KLF16: variants seen among roughly 807,000 people sequenced by gnomAD.
KLF16 encodes the protein Krueppel-like factor 16.
Under a neutral mutation model 6.1 loss-of-function variants are expected in KLF16, and 6 were observed. The ratio of observed to expected loss-of-function variants is 0.98; its 90% CI spans 0.54 to 1.93. The LOEUF is 1.93. KLF16 is among the 30% of genes most tolerant of loss of function. The pLI, the probability that KLF16 is intolerant of heterozygous loss-of-function variation, is 0.01. For missense variants in KLF16, 355 were observed against 363.8 expected (o/e 0.98, Z 0.20); for synonymous variants, 211 against 176.5 (o/e 1.20, Z -1.55).
upstream of KLF16, among the ~76,000 whole-genome samples, chr19:1,867,143 CGGAGCCAGGAACTGGGGCCTT>C (rs2012200549): frequency 6.6e-6 from 1 of 152,156 alleles, no homozygotes; most frequent in Non-Finnish European, 1.5e-5. Context: ...AGAGGGGCCA[CGGAGCCAGGAACTGGGGCCTT>C]GCCTCATAGA....
upstream of KLF16, among the ~76,000 whole-genome samples, chr19:1,864,096 C>T (rs973023858): frequency 2.7e-5 from 4 of 146,988 alleles, no homozygotes; most frequent in Non-Finnish European, 4.6e-5. Context: ...CGCCCCGCCT[C>T]CTCGCTGGCG....
At chr19:1,859,818 C>T (rs1484521494) in intron 1 of KLF16, among the ~76,000 whole-genome samples, 1 of 152,122 alleles carries the variant, frequency 6.6e-6, no homozygotes, top group Non-Finnish European at 1.5e-5. Flanking sequence ...CTGGGGGTGA[C>T]CCTGCAGCCC....
At chr19:1,854,926 TA>T (rs57596843) in intron 1 of KLF16, among the ~76,000 whole-genome samples, 166 bp from the exon 2 acceptor site, 3,093 of 152,162 alleles carry the variant, frequency 0.02, 104 homozygotes, top group African/African-American at 0.071. Flanking sequence ...ATACAACCCT[TA>T]CCCGCCCCCC....
chr19:1,854,310 C>A lies in KLF16; in HGVS notation c.*149G>T. The A allele has an allele frequency of 9.8e-7, 1 of 1,019,692 alleles. No individual in the cohort carries two copies. The highest frequency in any genetic ancestry group is 1.3e-6 in the Non-Finnish European group (1 of 765,870). The allele number at this position is 1,019,692 out of a possible 1,614,324, so 63.2% of individuals were successfully genotyped here. ...GAGGTCAGGCAGACCCAGGTCCAGT[C>A]TCAGGCCCCCTCCTCACTCTCTGGA... is the stretch of plus-strand genomic sequence containing the variant. On this transcript the variant is annotated 3_prime_UTR_variant, in exon 2 of 2. Coordinates refer to ENST00000250916, the MANE Select transcript of KLF16 (RefSeq NM_031918.4).
At chr19:1,865,184 C>T (rs1254950437), upstream of KLF16, among the ~76,000 whole-genome samples, 6 of 152,326 alleles carry the variant, frequency 3.9e-5, no homozygotes, top group African/African-American at 1.4e-4. Flanking sequence ...GGAGGTTCAG[C>T]GAAGTGTGGG....
upstream of KLF16, among the ~76,000 whole-genome samples, chr19:1,866,393 C>T (rs2012188942): frequency 6.6e-6 from 1 of 152,086 alleles, no homozygotes; most frequent in East Asian, 1.9e-4. Flanking sequence ...GGCGGATGAC[C>T]TGAGGTCGAG....
intron 1 of KLF16, chr19:1,862,659 G>A (rs562620797): frequency 1.0e-5 from 2 of 200,512 alleles, no homozygotes; most frequent in Non-Finnish European, 2.0e-5. Flanking sequence ...GGAGAACCCA[G>A]AACCCCAGAG....
Position 1,854,579 on chromosome 19 carries a change from G to T in KLF16, c.639C>A (p.His213Gln). 6.3e-7 allele frequency: 1 copy of T among 1,589,520 alleles called. No individual in the cohort carries two copies. The highest frequency in any genetic ancestry group is 8.5e-7 in the Non-Finnish European group (1 of 1,175,036). ...AKHARRHPGF[H>Q]PDLLRRPGAR... ...CACCAGGGCGCCGGAGCAGGTCCGG[G>T]TGGAAGCCGGGGTGGCGGCGGGCGT... The change falls in exon 2 of 2, where the codon CAC (histidine) becomes CAA (glutamine). Residue 213 changes from histidine (H) to glutamine (Q), a missense_variant. By Grantham distance (24) the His-to-Gln change is conservative (BLOSUM62 0). Transcript: ENST00000250916.
the KLF16 span, among the ~76,000 whole-genome samples, chr19:1,873,437 T>TC: frequency 2.7e-3 from 411 of 151,998 alleles, 3 homozygotes; most frequent in African/African-American, 9.1e-3. Flanking sequence ...GGGTCTGCCC[T>TC]CCCCCCGGGC....
At chr19:1,868,078 G>A (rs1036441885), upstream of KLF16, among the ~76,000 whole-genome samples, 2 of 151,924 alleles carry the variant, frequency 1.3e-5, no homozygotes, top group African/African-American at 4.8e-5. Flanking sequence ...TTTTTACCAT[G>A]TGTATTTACT....
At position 1,863,575 on chromosome 19, in the gene KLF16, C is replaced by T. The variant is rs866279848; in HGVS notation, c.-78G>A. ...GTCCGTCCGGCCGGCGGCGGCTGCT[C>T]GAGTGCGGGAGGCGGAGGAGGAGGA... On this transcript the variant is annotated 5_prime_UTR_variant, in exon 1 of 2. Transcript: ENST00000250916. The T allele has an allele frequency of 6.3e-5, 43 of 682,850 alleles. No individual in the cohort carries two copies. In the South Asian group the frequency reaches 2.5e-3, roughly 40 times the overall value. 42.3% of individuals were successfully genotyped at this position (682,850 alleles called of 1,614,324 possible). A position where few individuals can be genotyped will look rare whatever the true frequency, so the allele number is the denominator to read the frequency against.
upstream of KLF16, among the ~76,000 whole-genome samples, chr19:1,868,235 G>A (rs1011757752): frequency 1.3e-5 from 2 of 152,028 alleles, no homozygotes; most frequent in African/African-American, 2.4e-5. Flanking sequence ...TGAGGGACTC[G>A]CTGCCGCAGA....
chr19:1,865,902 G>A (rs12981256), upstream of KLF16, among the ~76,000 whole-genome samples: 58,787 of 152,160 alleles, frequency 0.39, 13,850 homozygotes, highest in Non-Finnish European at 0.54. Flanking sequence ...GGTGGCTCAC[G>A]CCTGGAATGC....
chr19:1,866,840 GA>G (rs1568736271), upstream of KLF16, among the ~76,000 whole-genome samples: 1 of 151,580 alleles, frequency 6.6e-6, no homozygotes, highest in Non-Finnish European at 1.5e-5. Flanking sequence ...AAGACTGGGA[GA>G]GGACCGAGAA....
chr19:1,862,659 G>C lies in KLF16; in HGVS notation c.457+382C>G, dbSNP rs562620797. The C allele has an allele frequency of 1.9e-3, 391 of 200,616 alleles. 3 individuals are homozygous for C. Among genetic ancestry groups the C allele is most frequent in the African/African-American group, 8.7e-3 (364 of 41,902 alleles). The allele number at this position is 200,616 out of a possible 1,614,324, so 12.4% of individuals were successfully genotyped here. ...GAGGCTGGGGGAGGGGGAGAACCCA[G>C]AACCCCAGAGCCGGATGCTCCAACC... On this transcript the variant is annotated intron_variant, in intron 1 of 1. Coordinates refer to ENST00000250916, the MANE Select transcript of KLF16 (RefSeq NM_031918.4).
the KLF16 span, among the ~76,000 whole-genome samples, chr19:1,871,572 G>A: frequency 6.6e-6 from 1 of 152,156 alleles, no homozygotes; most frequent in Admixed American, 6.5e-5. Context: ...CCAAAACGCC[G>A]ACCCCCAAAG....
chr19:1,863,590 G>A (rs1344259797), upstream of KLF16: 1 of 336,956 alleles, frequency 3.0e-6, no homozygotes, highest in African/African-American at 2.3e-5. Flanking sequence ...GCGGGAGGCG[G>A]AGGAGGAGGA....
Position 1,863,030 on chromosome 19 carries a change from G to A in KLF16, c.457+11C>T, listed in dbSNP as rs757033425. 3 of 1,355,956 alleles carry A rather than the reference G, an allele frequency of 2.2e-6. No individual in the cohort carries two copies. The Admixed American group carries it at 7.9e-5, about 36-fold the overall frequency. 84.0% of individuals were successfully genotyped at this position (1,355,956 alleles called of 1,614,324 possible). A position where few individuals can be genotyped will look rare whatever the true frequency, so the allele number is the denominator to read the frequency against. ...CGCCCCCGCAAGGGCCGGGATCGCG[G>A]CTGCACTCACCTGTGTGCGTCCGCA... On this transcript the variant is annotated intron_variant, in intron 1 of 1. Transcript: ENST00000250916.
chr19:1,869,465 G>C, the KLF16 span, among the ~76,000 whole-genome samples: 2 of 152,198 alleles, frequency 1.3e-5, no homozygotes, highest in East Asian at 3.8e-4. Context: ...GTGTGAAAGA[G>C]TGAAACTCCA....
Sources: gnomAD v4.1 joint callset for allele counts (sites outside exome capture counted in the v4.1 genomes callset) on GRCh38, gnomAD v4.1.1 for gene constraint, MANE v1.5 for transcripts, NCBI Gene and HGNC (gene_info 2026-07-23, HGNC 2026-07-21) for gene names.